Variants in CDK14 observed in about 807,000 individuals in gnomAD.
The protein encoded by CDK14 is cyclin dependent kinase 14, also known as cyclin-dependent kinase 14.
A neutral mutation model predicts 60.7 loss-of-function variants in CDK14; 34 were observed. That is an observed-to-expected ratio of 0.56 (90% CI 0.43 to 0.75). The LOEUF is 0.75. CDK14 is among the 30% of genes least tolerant of loss of function. CDK14 has a pLI of 0.00. For missense variants in CDK14, 482 were observed against 564.1 expected, an observed-to-expected ratio of 0.85 and a Z score of 1.47; for synonymous variants, 197 against 203.7, an observed-to-expected ratio of 0.97 and a Z score of 0.28.
chr7:91,159,827 G>A (rs911228200), intron 14 of CDK14, among the ~76,000 whole-genome samples: 4 of 152,172 alleles, frequency 2.6e-5, no homozygotes, highest in Admixed American at 6.5e-5. Context: ...GTATGGCCAT[G>A]GTGGTGTTTA....
intron 3 of CDK14, among the ~76,000 whole-genome samples, chr7:90,729,743 C>T (rs1584829721): frequency 6.6e-6 from 1 of 151,818 alleles, no homozygotes; most frequent in Middle Eastern, 3.4e-3. Flanking sequence ...ATTCAATGTG[C>T]CCTGGAAAAA....
intron 6 of CDK14, among the ~76,000 whole-genome samples, chr7:90,866,233 T>TACACACACACACACACACACACAC (rs3038210): frequency 4.3e-5 from 6 of 140,360 alleles, no homozygotes; most frequent in South Asian, 2.4e-4. Context: ...CACATACACA[T>TACACACACACACACACACACACAC]ACACACACAC....
At chr7:91,139,784 TC>T (rs1309581972) in intron 14 of CDK14, among the ~76,000 whole-genome samples, 2 of 72,490 alleles carry the variant, frequency 2.8e-5, no homozygotes, top group Non-Finnish European at 6.4e-5. Context: ...TTTTTTTCTT[TC>T]CTTTCTTTCT....
Position 90,650,359 on chromosome 7 carries a change from C to T in CDK14, c.123+46110C>T, listed in dbSNP as rs549753294. ...GTTCTTTGTAGATTCTGGATATTAG[C>T]CCTTTGTCAGATGGGTAGATTGCAA... On this transcript the variant is annotated intron_variant, in intron 2 of 14. Transcript: ENST00000380050. 3.3e-5 allele frequency among the ~76,000 whole-genome samples: 5 copies of T among 151,604 alleles called. No homozygotes were observed. The East Asian group carries it at 9.9e-4, about 30-fold the overall frequency.
intron 12 of CDK14, among the ~76,000 whole-genome samples, chr7:91,096,129 A>G (rs368975402): frequency 2.7e-5 from 4 of 149,522 alleles, no homozygotes; most frequent in Admixed American, 1.3e-4. Flanking sequence ...AGCAGCCCCA[A>G]AGGTGGCTCC....
intron 3 of CDK14, among the ~76,000 whole-genome samples, chr7:90,738,373 AGTT>A (rs539329737): frequency 4.1e-4 from 62 of 152,290 alleles, no homozygotes; most frequent in African/African-American, 1.4e-3. Context: ...GATATTAGCT[AGTT>A]GTTATTATTA....
At chr7:90,803,578 G>A (rs1788725059) in intron 5 of CDK14, among the ~76,000 whole-genome samples, 1 of 152,130 alleles carries the variant, frequency 6.6e-6, no homozygotes, top group Non-Finnish European at 1.5e-5. Context: ...AACTGTGGTT[G>A]GGGATAGGGG....
At chr7:90,675,434 A>G (rs1239776292) in intron 2 of CDK14, among the ~76,000 whole-genome samples, 1 of 151,994 alleles carries the variant, frequency 6.6e-6, no homozygotes, top group South Asian at 2.1e-4. Flanking sequence ...GTCATAGATC[A>G]TGTAGAGCTT....
At chr7:91,204,099 CA>C (rs1334519884) in intron 14 of CDK14, among the ~76,000 whole-genome samples, 1 of 152,092 alleles carries the variant, frequency 6.6e-6, no homozygotes, top group Admixed American at 6.5e-5. Flanking sequence ...GAACTGCCCA[CA>C]AGCAGCAAGG....
chr7:90,715,134 G>A (rs1802201357), intron 2 of CDK14, among the ~76,000 whole-genome samples: 3 of 152,018 alleles, frequency 2.0e-5, no homozygotes, highest in Admixed American at 6.6e-5. Context: ...AGAATAGTGA[G>A]CTACAGATAT....
intron 2 of CDK14, among the ~76,000 whole-genome samples, chr7:90,685,624 G>C (rs1801414979): frequency 6.7e-6 from 1 of 149,396 alleles, no homozygotes; most frequent in African/African-American, 2.5e-5. Context: ...GACTACAAGT[G>C]CATGCCATCT....
At chr7:91,201,676 A>G (rs1266506708) in intron 14 of CDK14, among the ~76,000 whole-genome samples, 1 of 152,166 alleles carries the variant, frequency 6.6e-6, no homozygotes, top group Non-Finnish European at 1.5e-5. Context: ...TGTAAACTGC[A>G]TGCATGTGTG....
At chr7:90,790,897 A>G (rs1418875737) in intron 5 of CDK14, among the ~76,000 whole-genome samples, 3 of 152,238 alleles carry the variant, frequency 2.0e-5, no homozygotes, top group Non-Finnish European at 4.4e-5. Flanking sequence ...TGGTGAAGCT[A>G]TCTAGGTAAC....
intron 2 of CDK14, among the ~76,000 whole-genome samples, chr7:90,712,648 G>A (rs964697407): frequency 2.0e-5 from 3 of 152,052 alleles, no homozygotes; most frequent in Non-Finnish European, 4.4e-5. Context: ...GAGAGGAAGA[G>A]TTATGGATAT....
At chr7:91,040,165 T>C (rs1000397041) in intron 10 of CDK14, among the ~76,000 whole-genome samples, 2 of 152,216 alleles carry the variant, frequency 1.3e-5, no homozygotes, top group Non-Finnish European at 2.9e-5. Flanking sequence ...CCACCTGCCC[T>C]GTCTGCAGCA....
intron 11 of CDK14, among the ~76,000 whole-genome samples, chr7:91,060,780 G>T (rs955940182): frequency 6.6e-6 from 1 of 152,220 alleles, no homozygotes; most frequent in Non-Finnish European, 1.5e-5. Flanking sequence ...CTGTTAGTAT[G>T]ATGGGCTTCC....
At chr7:91,024,524 G>A (rs1796519509) in intron 10 of CDK14, among the ~76,000 whole-genome samples, 3 of 152,154 alleles carry the variant, frequency 2.0e-5, no homozygotes, top group Admixed American at 6.5e-5. Context: ...TGTGGCACAC[G>A]CCTGTAGTCC....
In CDK14 at chr7:91,066,434, T is replaced by A. The variant is rs1797983616; in HGVS notation, c.1106-12998T>A. ...CAGCCTTTCAAGTCCTTTGAACATATGTGAAGTTTTTTATTGGTTGTTTGA... is the reference window on the plus strand; with the variant it reads ...CAGCCTTTCAAGTCCTTTGAACATAAGTGAAGTTTTTTATTGGTTGTTTGA... On this transcript the variant is annotated intron_variant, in intron 11 of 14. Transcript: ENST00000380050. Among the ~76,000 whole-genome samples the A allele has an allele frequency of 2.0e-5, 3 of 152,236 alleles. No homozygotes were observed. In the South Asian group the frequency reaches 6.2e-4, roughly 31 times the overall value.
chr7:90,829,974 T>G (rs1424116876), intron 5 of CDK14, among the ~76,000 whole-genome samples: 1 of 152,220 alleles, frequency 6.6e-6, no homozygotes, highest in Non-Finnish European at 1.5e-5. Flanking sequence ...CATTGCTGCC[T>G]TCACGGGCTG....
Sources: allele counts gnomAD v4.1 joint callset (sites outside exome capture counted in the v4.1 genomes callset), GRCh38; gene constraint gnomAD v4.1.1; transcripts MANE v1.5; gene names NCBI Gene and HGNC (gene_info 2026-07-23, HGNC 2026-07-21).